CXCL13: variants seen among roughly 807,000 people sequenced by gnomAD.
CXCL13 encodes C-X-C motif chemokine 13.
A neutral mutation model predicts 12.2 loss-of-function variants in CXCL13; 7 were observed. The observed-to-expected ratio is 0.57, with a 90% CI of 0.33 to 1.07. The LOEUF is 1.07. Among genes scored for constraint, CXCL13 ranks in the 50% least tolerant of loss-of-function variants. The probability of loss-of-function intolerance (pLI) is 0.04; values close to 1 mark genes in which losing one functional copy is unlikely to be tolerated. For synonymous variants in CXCL13, 47 were observed against 42.4 expected, an observed-to-expected ratio of 1.11 and a Z score of -0.42; for missense variants, 113 against 127.4, an observed-to-expected ratio of 0.89 and a Z score of 0.55.
chr4:77,583,035 T>TAAGC (rs1726375944), intron 1 of CXCL13, among the ~76,000 whole-genome samples: 1 of 152,214 alleles, frequency 6.6e-6, no homozygotes, highest in African/African-American at 2.4e-5. Flanking sequence ...GCTTTTAATG[T>TAAGC]AAGCAACAAA....
intron 1 of CXCL13, among the ~76,000 whole-genome samples, chr4:77,562,069 C>T (rs537618393): frequency 3.6e-4 from 55 of 152,246 alleles, no homozygotes; most frequent in East Asian, 1.4e-3. Flanking sequence ...ACCAGGGCTG[C>T]GCTCGAATTC....
At chr4:77,560,778 A>T (rs1725793079) in intron 1 of CXCL13, among the ~76,000 whole-genome samples, 1 of 152,232 alleles carries the variant, frequency 6.6e-6, no homozygotes, top group Non-Finnish European at 1.5e-5. Context: ...TGTACATAGG[A>T]GACATTTAGA....
intron 1 of CXCL13, among the ~76,000 whole-genome samples, chr4:77,536,826 G>T (rs1725069135): frequency 1.3e-5 from 2 of 152,064 alleles, no homozygotes; most frequent in South Asian, 4.1e-4. Context: ...ACTTTATCAG[G>T]ATAGAAAAAG....
chr4:77,517,294 G>T (rs1413186115), intron 1 of CXCL13, among the ~76,000 whole-genome samples: 1 of 152,300 alleles, frequency 6.6e-6, no homozygotes, highest in Non-Finnish European at 1.5e-5. Flanking sequence ...TTGATTTGAG[G>T]TGGAGAGTTC....
At chr4:77,515,505 C>A (rs549170208) in intron 1 of CXCL13, among the ~76,000 whole-genome samples, 21 of 152,248 alleles carry the variant, frequency 1.4e-4, no homozygotes, top group Non-Finnish European at 2.9e-4. Context: ...TGTAGTTCTC[C>A]TTGAGGAGGT....
chr4:77,517,121 G>A (rs1454768811), intron 1 of CXCL13, among the ~76,000 whole-genome samples: 3 of 152,174 alleles, frequency 2.0e-5, no homozygotes, highest in Admixed American at 6.5e-5. Context: ...GTGGTTTTGA[G>A]TGAGTTTCTT....
intron 1 of CXCL13, among the ~76,000 whole-genome samples, chr4:77,527,115 A>G (rs1264524790): frequency 6.6e-6 from 1 of 152,206 alleles, no homozygotes; most frequent in Admixed American, 6.5e-5. Context: ...AAGAAGACCT[A>G]CAGATGGCAA....
intron 1 of CXCL13, among the ~76,000 whole-genome samples, chr4:77,594,684 G>T (rs915241682): frequency 6.6e-6 from 1 of 152,150 alleles, no homozygotes; most frequent in Admixed American, 6.5e-5. Flanking sequence ...CCTCATTTTG[G>T]TGGTTTGAAA....
intron 1 of CXCL13, 103 bp downstream of exon 1, chr4:77,606,032 G>A: frequency 3.1e-6 from 2 of 652,506 alleles, no homozygotes; most frequent in Non-Finnish European, 5.1e-6. Flanking sequence ...TGACTAAAGG[G>A]GGAAAAAACT....
At chr4:77,544,972 C>A (rs1725316567) in intron 1 of CXCL13, among the ~76,000 whole-genome samples, 1 of 152,166 alleles carries the variant, frequency 6.6e-6, no homozygotes, top group African/African-American at 2.4e-5. Context: ...TATGGCTAGG[C>A]AGTTTTTCCA....
intron 1 of CXCL13, among the ~76,000 whole-genome samples, chr4:77,573,749 G>A (rs1726146936): frequency 6.6e-6 from 1 of 151,876 alleles, no homozygotes; most frequent in Admixed American, 6.5e-5. Flanking sequence ...CATGATGGTG[G>A]CCTGGGTTCA....
At chr4:77,543,815 G>A (rs780033101) in intron 1 of CXCL13, among the ~76,000 whole-genome samples, 96 of 152,084 alleles carry the variant, frequency 6.3e-4, no homozygotes, top group Non-Finnish European at 7.5e-4. Flanking sequence ...TGTTACATAT[G>A]TATACATGTG....
In CXCL13 at chr4:77,536,215, C is replaced by A. The variant is rs147018144; in HGVS notation, c.-43+24427C>A. 7.4e-3 allele frequency among the ~76,000 whole-genome samples: 1,133 copies of A among 152,176 alleles called. 8 individuals carry two copies. The highest frequency in any genetic ancestry group is 0.014 in the South Asian group (66 of 4,818). On this transcript the variant is annotated intron_variant, in intron 1 of 4. Coordinates refer to the CXCL13 transcript ENST00000286758. ...GATATCCAGTGTAGTTTACACTCTG[C>A]CTTATTTCATTGACGATGTAAAGTA...
chr4:77,525,840 A>C (rs1473361093), intron 1 of CXCL13, among the ~76,000 whole-genome samples: 1 of 152,056 alleles, frequency 6.6e-6, no homozygotes, highest in Non-Finnish European at 1.5e-5. Context: ...GAATTCCATC[A>C]ATTCAGCAGA....
At chr4:77,517,473 T>C (rs1724454780) in intron 1 of CXCL13, among the ~76,000 whole-genome samples, 1 of 152,180 alleles carries the variant, frequency 6.6e-6, no homozygotes, top group Non-Finnish European at 1.5e-5. Context: ...AGGGCTTGCT[T>C]TATGAATCTG....
At position 77,611,147 on chromosome 4, in the gene CXCL13, A is replaced by C; in HGVS notation, c.*108A>C. 3.2e-6 allele frequency: 3 copies of C among 924,952 alleles called. No individual in the cohort carries two copies. The highest frequency in any genetic ancestry group is 5.0e-6 in the Non-Finnish European group (3 of 596,528). 57.3% of individuals were successfully genotyped at this position (924,952 alleles called of 1,614,324 possible). A position where few individuals can be genotyped will look rare whatever the true frequency, so the allele number is the denominator to read the frequency against. The stretch of plus-strand genomic sequence containing the variant: ...CCAGGAAAAAGAACTTCCCCATACA[A>C]ATAAGCATGAGACTATGTAAAAATA... On this transcript the variant is annotated 3_prime_UTR_variant, in exon 4 of 4. Transcript: ENST00000682537.
chr4:77,584,430 T>C (rs1229059238), intron 1 of CXCL13, among the ~76,000 whole-genome samples: 1 of 152,180 alleles, frequency 6.6e-6, no homozygotes, highest in Non-Finnish European at 1.5e-5. Context: ...TTCATTGATG[T>C]TGTTCTAATA....
At position 77,514,911 on chromosome 4, in the gene CXCL13, G is replaced by T. The variant is rs555270361; in HGVS notation, c.-43+3123G>T. Among the ~76,000 whole-genome samples the T allele has an allele frequency of 2.0e-5, 3 of 152,276 alleles. No homozygotes were observed. In the East Asian group the frequency reaches 5.8e-4, roughly 29 times the overall value. ...CTATGTCCTGAATGGTAATGTCTAG[G>T]TTTTCTTCTAGGATTTTTATGGTTT... On this transcript the variant is annotated intron_variant, in intron 1 of 4. Transcript: ENST00000286758.
intron 1 of CXCL13, among the ~76,000 whole-genome samples, chr4:77,518,843 G>A (rs1017014085): frequency 1.3e-4 from 20 of 152,200 alleles, no homozygotes; most frequent in Non-Finnish European, 1.9e-4. Context: ...GAGGAACTGC[G>A]ATCCTTTGGA....
Sources: gnomAD v4.1 joint callset for allele counts (sites outside exome capture counted in the v4.1 genomes callset) on GRCh38, gnomAD v4.1.1 for gene constraint, MANE v1.5 for transcripts, NCBI Gene and HGNC (gene_info 2026-07-23, HGNC 2026-07-21) for gene names.